PCBP3: variants seen among roughly 807,000 people sequenced by gnomAD.
The protein encoded by PCBP3 is poly(rC)-binding protein 3.
A neutral mutation model predicts 52.7 loss-of-function variants in PCBP3; 25 were observed. The observed-to-expected ratio is 0.47, with a 90% CI of 0.35 to 0.66. PCBP3 has a LOEUF of 0.66. PCBP3 is among the 30% of genes least tolerant of loss of function. The probability of loss-of-function intolerance (pLI) is 0.01; values close to 1 mark genes in which losing one functional copy is unlikely to be tolerated. For synonymous variants in PCBP3, 162 were observed against 183.0 expected (o/e 0.89, Z 0.93); for missense variants, 391 against 490.3 (o/e 0.80, Z 1.91).
chr21:45,706,219 G>T (rs1029514788), intron 2 of PCBP3, among the ~76,000 whole-genome samples: 1 of 152,126 alleles, frequency 6.6e-6, no homozygotes, highest in African/African-American at 2.4e-5. Flanking sequence ...CAGTGTCCAG[G>T]TCCCCTAACC....
chr21:45,813,657 T>C (rs1361457062), intron 4 of PCBP3, among the ~76,000 whole-genome samples: 1 of 152,250 alleles, frequency 6.6e-6, no homozygotes, highest in African/African-American at 2.4e-5. Context: ...TTGGCCAGGC[T>C]GGTCTCAAAC....
At chr21:45,792,641 A>G (rs761647886) in intron 4 of PCBP3, among the ~76,000 whole-genome samples, 1 of 152,238 alleles carries the variant, frequency 6.6e-6, no homozygotes, top group Non-Finnish European at 1.5e-5. Context: ...CTGCAGTCAG[A>G]GGACCAGATG....
chr21:45,843,888 T>C (rs2093750109), intron 4 of PCBP3, among the ~76,000 whole-genome samples: 1 of 152,168 alleles, frequency 6.6e-6, no homozygotes, highest in Non-Finnish European at 1.5e-5. Context: ...CGCACTATCA[T>C]GTTGTTTGTG....
chr21:45,860,071 A>G (rs2148419255), intron 5 of PCBP3, among the ~76,000 whole-genome samples: 1 of 152,236 alleles, frequency 6.6e-6, no homozygotes, highest in East Asian at 1.9e-4. Context: ...GGTTCTTGCC[A>G]TTGTGGATGG....
At chr21:45,915,487 A>T (rs976937854) in intron 12 of PCBP3, 1 of 152,220 alleles carries the variant, frequency 6.6e-6, no homozygotes, top group Non-Finnish European at 1.5e-5. Flanking sequence ...TTCAAAAGGA[A>T]GGTGTGTTTA....
chr21:45,741,121 A>AG lies in PCBP3; in HGVS notation c.-162+5695dup, dbSNP rs1177498162. ...GAACCTAGGAACAGACACAGGAGGGAGGGAAAGGAGCCACTTGGTGGGTGA... is the reference window on the plus strand; with the variant it reads ...GAACCTAGGAACAGACACAGGAGGGAGGGGAAAGGAGCCACTTGGTGGGTGA... On this transcript the variant is annotated intron_variant, in intron 3 of 17. Coordinates refer to ENST00000681687, the MANE Select transcript of PCBP3 (RefSeq NM_001384156.1). This position sits in a 1 kb window ranked among gnomAD's most constrained non-coding sequence, Gnocchi z 4.5. Among the ~76,000 whole-genome samples the AG allele has an allele frequency of 6.6e-6, 1 of 152,062 alleles. No homozygotes were observed. Among genetic ancestry groups the AG allele is most frequent in the East Asian group, 1.9e-4 (1 of 5,182 alleles).
At chr21:45,645,390 C>G (rs1292204686) in intron 1 of PCBP3, among the ~76,000 whole-genome samples, 3 of 152,044 alleles carry the variant, frequency 2.0e-5, no homozygotes, top group Non-Finnish European at 4.4e-5. Flanking sequence ...GTCTTTATAA[C>G]TGAAAAAAAT....
intron 5 of PCBP3, among the ~76,000 whole-genome samples, chr21:45,856,719 A>G (rs1302271124): frequency 2.6e-5 from 4 of 152,210 alleles, no homozygotes; most frequent in Non-Finnish European, 5.9e-5. Flanking sequence ...TTCTGAGCCA[A>G]ATCTGCATGA....
At chr21:45,871,050 G>A (rs2094984463) in intron 5 of PCBP3, 2 of 174,120 alleles carry the variant, frequency 1.1e-5, no homozygotes, top group Non-Finnish European at 2.4e-5. Flanking sequence ...CCCAGTGCCC[G>A]GGAGAGACAG....
chr21:45,659,245 C>G (rs2080222330), intron 1 of PCBP3, among the ~76,000 whole-genome samples: 1 of 146,184 alleles, frequency 6.8e-6, no homozygotes, highest in African/African-American at 2.5e-5. Flanking sequence ...AGATATTTCT[C>G]TTTTAACATA....
At chr21:45,685,424 TA>T (rs1051374725) in intron 2 of PCBP3, among the ~76,000 whole-genome samples, 7 of 151,840 alleles carry the variant, frequency 4.6e-5, no homozygotes, top group African/African-American at 1.7e-4. Flanking sequence ...TTACCACCAC[TA>T]AAAAAAATAA....
chr21:45,867,355 T>G (rs2094780340), intron 5 of PCBP3, among the ~76,000 whole-genome samples: 1 of 152,100 alleles, frequency 6.6e-6, no homozygotes, highest in East Asian at 1.9e-4. Flanking sequence ...TACAGCTGCT[T>G]AGAAACAGAA....
At chr21:45,866,243 C>T (rs2094718776) in intron 5 of PCBP3, among the ~76,000 whole-genome samples, 2 of 152,210 alleles carry the variant, frequency 1.3e-5, no homozygotes, top group South Asian at 4.1e-4. Flanking sequence ...GTGTCCACAC[C>T]TTGCACCCAG....
chr21:45,911,605 G>A (rs924598842), intron 11 of PCBP3, among the ~76,000 whole-genome samples: 11 of 152,072 alleles, frequency 7.2e-5, no homozygotes, highest in Admixed American at 1.3e-4. Context: ...TTGAAGTTTC[G>A]GGGGGAGGAA....
chr21:45,855,619 A>G (rs985002425), intron 5 of PCBP3, among the ~76,000 whole-genome samples: 1 of 152,242 alleles, frequency 6.6e-6, no homozygotes, highest in African/African-American at 2.4e-5. Context: ...TGGGATTTAA[A>G]TGAGACCCAA....
intron 4 of PCBP3, among the ~76,000 whole-genome samples, chr21:45,823,169 G>A (rs940140252): frequency 6.6e-6 from 1 of 152,228 alleles, no homozygotes; most frequent in Non-Finnish European, 1.5e-5. Flanking sequence ...GCCTAAAACT[G>A]ATTGTACTGG....
chr21:45,844,156 G>C (rs2093756091), intron 4 of PCBP3, among the ~76,000 whole-genome samples: 1 of 152,022 alleles, frequency 6.6e-6, no homozygotes, highest in Non-Finnish European at 1.5e-5. Context: ...ACAAGGCCGT[G>C]CTTGTTTTTC....
chr21:45,732,995 A>G lies in PCBP3; in HGVS notation c.-199-2397A>G, dbSNP rs558300019. 1.7e-4 allele frequency among the ~76,000 whole-genome samples: 26 copies of G among 152,268 alleles called. No homozygotes were observed. In the South Asian group the frequency reaches 5.2e-3, roughly 30 times the overall value. ...CCCATCCCCTGCTTCTGGGTCTCCA[A>G]TTACACATATATTTTTGTCTTTTGG... On this transcript the variant is annotated intron_variant, in intron 2 of 17. Coordinates refer to ENST00000681687, the MANE Select transcript of PCBP3 (RefSeq NM_001384156.1).
At chr21:45,839,663 G>A (rs923583581) in intron 4 of PCBP3, among the ~76,000 whole-genome samples, 4 of 152,120 alleles carry the variant, frequency 2.6e-5, no homozygotes, top group Admixed American at 2.0e-4. Context: ...CTACGCTAAT[G>A]TGTGTGTTTA....
Sources: allele counts gnomAD v4.1 joint callset (sites outside exome capture counted in the v4.1 genomes callset), GRCh38; gene constraint gnomAD v4.1.1; non-coding constraint Gnocchi (gnomAD v3.1); transcripts MANE v1.5; gene names NCBI Gene and HGNC (gene_info 2026-07-23, HGNC 2026-07-21).